TSC22D1: variants seen among roughly 807,000 people sequenced by gnomAD.
The protein encoded by TSC22D1 is TSC22 domain family protein 1.
A neutral mutation model predicts 74.2 loss-of-function variants in TSC22D1; 9 were observed. That is an observed-to-expected ratio of 0.12 (90% CI 0.07 to 0.21). The LOEUF (loss-of-function observed/expected upper bound fraction) is 0.21, where lower values mean the gene tolerates loss of function less well. TSC22D1 is among the 10% of genes least tolerant of loss of function. The pLI, the probability that TSC22D1 is intolerant of heterozygous loss-of-function variation, is 1.00. For missense variants in TSC22D1, 1,427 were observed against 1,304.7 expected (o/e 1.09, Z -1.44); for synonymous variants, 586 against 492.5 (o/e 1.19, Z -2.51).
At chr13:44,488,866 T>G (rs1878572200) in intron 1 of TSC22D1, among the ~76,000 whole-genome samples, 2 of 152,142 alleles carry the variant, frequency 1.3e-5, no homozygotes, top group Non-Finnish European at 2.9e-5. Context: ...ATCCCCAAAT[T>G]CATCTGTAGA....
chr13:44,435,732 A>G, intron 2 of TSC22D1: 1 of 430,490 alleles, frequency 2.3e-6, no homozygotes, highest in Non-Finnish European at 4.3e-6. Context: ...TGTGCTCACG[A>G]CCAGCCGAAG....
chr13:44,545,687 A>G (rs1881779905), intron 1 of TSC22D1, among the ~76,000 whole-genome samples: 1 of 152,022 alleles, frequency 6.6e-6, no homozygotes, highest in Non-Finnish European at 1.5e-5. Flanking sequence ...AGAAAACATG[A>G]AAGACCAGGC....
intron 1 of TSC22D1, chr13:44,516,327 C>T (rs1029731195): frequency 4.2e-6 from 2 of 478,100 alleles, no homozygotes; most frequent in Non-Finnish European, 8.3e-6. Context: ...GGTTACCTCC[C>T]TCTAATTCTG....
intron 1 of TSC22D1, among the ~76,000 whole-genome samples, chr13:44,546,415 A>G (rs1053197812): frequency 9.9e-5 from 15 of 152,220 alleles, no homozygotes; most frequent in African/African-American, 3.1e-4. Flanking sequence ...ATAAGAATAT[A>G]CCATCACTTC....
In TSC22D1 at chr13:44,434,192, T is replaced by TC; in HGVS notation, c.*433dup. Reference sequence around the variant, plus strand: ...TCTTTTTACCCTCCTTTCAAGTTCCTCCTGGGGGGAGGAGAGGAGAGAGGC... The same window carrying TC: ...TCTTTTTACCCTCCTTTCAAGTTCCTCCCTGGGGGGAGGAGAGGAGAGAGGC... On this transcript the variant is annotated 3_prime_UTR_variant, in exon 3 of 3. Transcript: ENST00000458659. 6.8e-7 allele frequency: 1 copy of TC among 1,461,590 alleles called. No homozygotes were observed. The highest frequency in any genetic ancestry group is 8.9e-7 in the Non-Finnish European group (1 of 1,121,046). The allele number at this position is 1,461,590 out of a possible 1,614,324, so 90.5% of individuals were successfully genotyped here.
rs369012903 is a variant in TSC22D1 at position 44,434,010 on chromosome 13, A to G, written c.*616T>C. 229 of 1,534,056 alleles carry G rather than the reference A, an allele frequency of 1.5e-4. 2 individuals carry two copies. In the African/African-American group the frequency reaches 2.9e-3, roughly 20 times the overall value. ...TAAGCAAAACAACCTTCATGGTAAG[A>G]TAGCCTAGGTCCCAGCTACCTGTCA... On this transcript the variant is annotated 3_prime_UTR_variant, in exon 3 of 3. Transcript: ENST00000458659.
chr13:44,492,252 T>C (rs982995109), intron 1 of TSC22D1, among the ~76,000 whole-genome samples: 4 of 152,156 alleles, frequency 2.6e-5, no homozygotes, highest in African/African-American at 9.7e-5. Flanking sequence ...GCTCAGAACA[T>C]TTACATTAGC....
intron 1 of TSC22D1, among the ~76,000 whole-genome samples, chr13:44,508,362 G>A (rs901441973): frequency 1.3e-5 from 2 of 152,148 alleles, no homozygotes; most frequent in Non-Finnish European, 2.9e-5. Context: ...ATGAACACAT[G>A]GTTCCGATGT....
chr13:44,564,421 T>C (rs1883237668), intron 1 of TSC22D1, among the ~76,000 whole-genome samples: 2 of 152,142 alleles, frequency 1.3e-5, no homozygotes, highest in Non-Finnish European at 1.5e-5. Flanking sequence ...CAACCTAAGT[T>C]TAGATTGGTA....
At chr13:44,556,945 A>C (rs887881771) in intron 1 of TSC22D1, among the ~76,000 whole-genome samples, 2 of 148,770 alleles carry the variant, frequency 1.3e-5, no homozygotes. Flanking sequence ...GGAGTTCGAG[A>C]CCAGCTTGAC....
intron 1 of TSC22D1, among the ~76,000 whole-genome samples, chr13:44,509,950 C>CAAAAAAAAAAAAAACAAAAAAAAAAA (rs1879616261): frequency 1.9e-5 from 1 of 51,426 alleles, no homozygotes; most frequent in Non-Finnish European, 3.6e-5. Context: ...AGAAAATAAG[C>CAAAAAAAAAAAAAACAAAAAAAAAAA]AAAAAAAAAA....
intron 1 of TSC22D1, among the ~76,000 whole-genome samples, chr13:44,536,054 T>C (rs1881114875): frequency 6.6e-6 from 1 of 151,932 alleles, no homozygotes; most frequent in South Asian, 2.1e-4. Context: ...AACAAAATTT[T>C]GTGCACAGAA....
chr13:44,574,219 G>T lies in TSC22D1; in HGVS notation c.1856C>A (p.Pro619Gln). Residue 619 changes from proline (P) to glutamine (Q), a missense_variant, in exon 1 of 3, where the codon CCA (proline) becomes CAA (glutamine). Coordinates refer to ENST00000458659, the MANE Select transcript of TSC22D1 (RefSeq NM_183422.4). ...TAACTGTTGGGGTGGTGGTGCCCCT[G>T]GAAGGGGAGTTTGCACTGGAGGAGC... ...QAAPPVQTPL[P>Q]GAPPPQQLQY... is the part of the protein sequence containing the mutation. 6.2e-7 allele frequency: 1 copy of T among 1,614,252 alleles called. No individual in the cohort carries two copies. Among genetic ancestry groups the T allele is most frequent in the Non-Finnish European group, 8.5e-7 (1 of 1,180,048 alleles).
intron 1 of TSC22D1, among the ~76,000 whole-genome samples, chr13:44,523,264 TTAC>T (rs1880399366): frequency 6.6e-6 from 1 of 152,190 alleles, no homozygotes; most frequent in South Asian, 2.1e-4. Flanking sequence ...AAGCACAGGC[TTAC>T]TACATGACTC....
chr13:44,470,853 C>T (rs959482892), intron 1 of TSC22D1, among the ~76,000 whole-genome samples: 2 of 152,166 alleles, frequency 1.3e-5, no homozygotes, highest in African/African-American at 2.4e-5. Flanking sequence ...TTAAGAGTCA[C>T]GGTCCAGAGT....
At chr13:44,508,306 C>T (rs1879528955) in intron 1 of TSC22D1, among the ~76,000 whole-genome samples, 1 of 152,142 alleles carries the variant, frequency 6.6e-6, no homozygotes, top group Non-Finnish European at 1.5e-5. Context: ...TACATAGAAA[C>T]TATATTTAGC....
At chr13:44,516,728 C>T (rs1329326482) in intron 1 of TSC22D1, among the ~76,000 whole-genome samples, 1 of 152,220 alleles carries the variant, frequency 6.6e-6, no homozygotes, top group Non-Finnish European at 1.5e-5. Flanking sequence ...GGCTGAGGCA[C>T]TTAGTTTTCT....
intron 1 of TSC22D1, among the ~76,000 whole-genome samples, chr13:44,517,736 T>TAC (rs1880066204): frequency 7.0e-6 from 1 of 142,160 alleles, no homozygotes; most frequent in Non-Finnish European, 1.5e-5. Flanking sequence ...TATATATATA[T>TAC]ACATATATAC....
intron 1 of TSC22D1, among the ~76,000 whole-genome samples, chr13:44,516,098 TCCAATTC>T (rs1245698539): frequency 1.3e-5 from 2 of 152,122 alleles, no homozygotes; most frequent in African/African-American, 4.8e-5. Flanking sequence ...TAAAAACATA[TCCAATTC>T]CCAAAAAGTG....
Sources: gnomAD v4.1 joint callset for allele counts (sites outside exome capture counted in the v4.1 genomes callset) on GRCh38, gnomAD v4.1.1 for gene constraint, MANE v1.5 for transcripts, NCBI Gene and HGNC (gene_info 2026-07-23, HGNC 2026-07-21) for gene names.